Variants in BRCA2 observed in about 807,000 individuals in gnomAD.
The protein encoded by BRCA2 is BRCA2 DNA repair associated.
In BRCA2, 203 loss-of-function variants were observed where a neutral mutation model predicts 276.7. The observed-to-expected ratio is 0.73, with a 90% CI of 0.65 to 0.82. The LOEUF is 0.82. BRCA2 is among the 40% of genes least tolerant of loss of function. The pLI, the probability that BRCA2 is intolerant of heterozygous loss-of-function variation, is 0.00. For synonymous variants in BRCA2, 1,289 were observed against 1,338.4 expected (o/e 0.96, Z 0.81); for missense variants, 3,920 against 3,915.0 (o/e 1.00, Z -0.03).
In BRCA2 at chr13:32,379,823, T is replaced by G. The variant is rs864622568; in HGVS notation, c.9027T>G (p.Tyr3009Ter). The change falls in exon 23 of 27, where the codon TAT becomes TAG. Residue 3009 changes from tyrosine to a stop codon, truncating the protein, a stop_gained. Coordinates refer to ENST00000380152, the MANE Select transcript of BRCA2 (RefSeq NM_000059.4). LOFTEE classifies it high-confidence loss of function. ...CAGAAGGAAAGAGATACAGAATTTATCATCTTGCAACTTCAAAATCTAAAA... is the reference window on the plus strand; with the variant it reads ...CAGAAGGAAAGAGATACAGAATTTAGCATCTTGCAACTTCAAAATCTAAAA... The part of the protein sequence containing the change: ...LLTEGKRYRI[Y>*]HLATSKSKSK... The G allele has an allele frequency of 6.2e-7, 1 of 1,612,930 alleles. No individual in the cohort carries two copies.
intron 18 of BRCA2, among the ~76,000 whole-genome samples, chr13:32,365,991 G>T (rs1265281409): frequency 3.3e-5 from 5 of 151,052 alleles, no homozygotes; most frequent in Admixed American, 6.6e-5. Flanking sequence ...TAACTTCTGG[G>T]ATGGTTTTTA....
chr13:32,379,900 A>C lies in BRCA2; in HGVS notation c.9104A>C (p.Tyr3035Ser), dbSNP rs80359165. The change falls in exon 23 of 27, where the codon TAT becomes TCT. Residue 3035 changes from tyrosine to serine, a missense_variant. Around this residue, in one of 2 missense-constraint regions of BRCA2, gnomAD observed 657 missense variants for 758.2 expected, o/e 0.87. Transcript: ENST00000380152. ...TTAGCAGCGACAAAAAAAACTCAGT[A>C]TCAACAACTACCGGTACAAACCTTT... ...IQLAATKKTQ[Y>S]QQLPVSDEIL... 6.4e-5 allele frequency: 104 copies of C among 1,613,654 alleles called. No individual in the cohort carries two copies. The highest frequency in any genetic ancestry group is 8.6e-5 in the Non-Finnish European group (102 of 1,179,760).
At chr13:32,373,085 T>C (rs1367346465) in intron 20 of BRCA2, among the ~76,000 whole-genome samples, 1 of 151,542 alleles carries the variant, frequency 6.6e-6, no homozygotes. Flanking sequence ...CTCCGCCTCC[T>C]GTTTCAAGCA....
At chr13:32,393,862 T>C (rs1193322041) in intron 24 of BRCA2, among the ~76,000 whole-genome samples, 1 of 152,164 alleles carries the variant, frequency 6.6e-6, no homozygotes, top group East Asian at 1.9e-4. Flanking sequence ...GTCAGACCTG[T>C]ACAAAAAGAT....
chr13:32,380,534 C>CTTT (rs11451886), intron 24 of BRCA2, among the ~76,000 whole-genome samples: 28 of 101,698 alleles, frequency 2.8e-4, no homozygotes, highest in Non-Finnish European at 2.8e-4. Flanking sequence ...CAGAGTCAAG[C>CTTT]TTTTTTTTTT....
At chr13:32,323,184 G>A (rs1358517823) in intron 3 of BRCA2, among the ~76,000 whole-genome samples, 4 of 139,706 alleles carry the variant, frequency 2.9e-5, no homozygotes, top group South Asian at 4.4e-4. Flanking sequence ...ATGAAATCTC[G>A]CTTTGTCGCC....
At chr13:32,375,416 T>A in intron 20 of BRCA2, 2 of 447,674 alleles carry the variant, frequency 4.5e-6, no homozygotes, top group South Asian at 3.3e-5. Context: ...GGTAAACTTG[T>A]TAATGTTGAT....
In BRCA2 at chr13:32,340,331, A is replaced by G. The variant is rs748854546; in HGVS notation, c.5976A>G (p.Ser1992=). The G allele has an allele frequency of 6.8e-6, 11 of 1,614,086 alleles. 1 individual carries two copies. In the Middle Eastern group the frequency reaches 9.9e-4, roughly 145 times the overall value. ...AATCTGTCCAGGTATCAGATGCTTC[A>G]TTACAAAACGCAAGACAAGTGTTTT... ...SGKSVQVSDA[S]LQNARQVFSE... The change falls in exon 11 of 27, where the codon TCA becomes TCG. Residue 1992 remains serine, a synonymous_variant. Transcript: ENST00000380152.
chr13:32,321,859 G>C (rs1401845554), intron 3 of BRCA2, among the ~76,000 whole-genome samples: 1 of 152,054 alleles, frequency 6.6e-6, no homozygotes, highest in African/African-American at 2.4e-5. Flanking sequence ...CCATTCTTCA[G>C]CTTATTAATG....
intron 1 of BRCA2, among the ~76,000 whole-genome samples, chr13:32,315,890 G>C (rs1460001159): frequency 2.6e-5 from 4 of 152,194 alleles, no homozygotes; most frequent in Non-Finnish European, 5.9e-5. Flanking sequence ...TCCCGCCTCC[G>C]GCCCGGCCTT....
chr13:32,336,427 C>T lies in BRCA2; in HGVS notation c.2072C>T (p.Ala691Val), dbSNP rs868546240. 2 of 1,613,646 alleles carry T rather than the reference C, an allele frequency of 1.2e-6. No homozygotes were observed. The highest frequency in any genetic ancestry group is 1.7e-4 in the Middle Eastern group (1 of 6,060). ...TCTCAGGATCTTGATTATAAAGAAG[C>T]AAAATGTAATAAGGAAAAACTACAG... is the stretch of plus-strand genomic sequence containing the variant. ...VISQDLDYKE[A>V]KCNKEKLQLF... Residue 691 changes from alanine (A) to valine (V), a missense_variant, in exon 11 of 27, where the codon GCA becomes GTA. Ala to Val is a moderately conservative substitution (Grantham distance 64). Transcript: ENST00000380152.
At chr13:32,335,920 T>TA (rs1374965134) in intron 10 of BRCA2, among the ~76,000 whole-genome samples, 1 of 152,180 alleles carries the variant, frequency 6.6e-6, no homozygotes, top group East Asian at 1.9e-4. Flanking sequence ...CTCATTCTGT[T>TA]ACCTAGTCTG....
Position 32,326,026 on chromosome 13 carries a change from C to A in BRCA2, c.426-75C>A, listed in dbSNP as rs1209112251. 6 of 1,292,430 alleles carry A rather than the reference C, an allele frequency of 4.6e-6. No individual in the cohort carries two copies. In the African/African-American group the frequency reaches 6.0e-5, roughly 13 times the overall value. The allele number at this position is 1,292,430 out of a possible 1,614,324, so 80.1% of individuals were successfully genotyped here. A position where few individuals can be genotyped will look rare whatever the true frequency, so the allele number is the denominator to read the frequency against. On this transcript the variant is annotated intron_variant, in intron 4 of 26. Coordinates refer to ENST00000380152, the MANE Select transcript of BRCA2 (RefSeq NM_000059.4). ...AACAATTTATATGAATGAGAATCTT[C>A]TTTTAAAAATAAGATAAACTAGTTT...
intron 24 of BRCA2, among the ~76,000 whole-genome samples, chr13:32,388,243 C>T (rs916167044): frequency 2.0e-5 from 3 of 152,044 alleles, no homozygotes; most frequent in South Asian, 2.1e-4. Flanking sequence ...CTTAGCCTCC[C>T]GAGTAGCTGG....
chr13:32,335,353 A>G, intron 10 of BRCA2, among the ~76,000 whole-genome samples: 1 of 151,988 alleles, frequency 6.6e-6, no homozygotes, highest in East Asian at 1.9e-4. Context: ...TCAAAAAAAA[A>G]AAAAAAAAAA....
Position 32,370,388 on chromosome 13 carries a change from A to G in BRCA2, c.8332-14A>G. 1 of 1,609,018 alleles carries G rather than the reference A, an allele frequency of 6.2e-7. No homozygotes were observed. The highest frequency in any genetic ancestry group is 1.7e-5 in the Admixed American group (1 of 60,006). On this transcript the variant is annotated splice_polypyrimidine_tract_variant and intron_variant, in intron 18 of 26. Transcript: ENST00000380152. ...ATTTAACTACTAAATCAATATATTT[A>G]TTAATTTGTCCAGATTTCTGCTAAC... is the stretch of plus-strand genomic sequence containing the variant.
rs144947432 is a variant in BRCA2, at chr13:32,399,625, C to A, written c.*855C>A. 2.3e-3 allele frequency: 409 copies of A among 177,630 alleles called. No homozygotes were observed. The highest frequency in any genetic ancestry group is 8.9e-3 in the African/African-American group (378 of 42,316). 11.0% of individuals were successfully genotyped at this position (177,630 alleles called of 1,614,324 possible). The stretch of plus-strand genomic sequence containing the variant: ...TTTTTTTTTTCAACAAAATGGTCAT[C>A]CAAACTCAAACTTGAGAAAATATCT... On this transcript the variant is annotated 3_prime_UTR_variant, in exon 27 of 27. Coordinates refer to ENST00000380152, the MANE Select transcript of BRCA2 (RefSeq NM_000059.4).
rs929941099 is a variant in BRCA2, at chr13:32,340,743, T to C, written c.6388T>C (p.Phe2130Leu). ...SEMEKTCSKE[F>L]KLSNNLNVEG... ...AATGGAAAAAACCTGCAGTAAAGAA[T>C]TTAAATTATCAAATAACTTAAATGT... is the stretch of plus-strand genomic sequence containing the variant. The change falls in exon 11 of 27, where the codon TTT (phenylalanine) becomes CTT (leucine). Residue 2130 changes from phenylalanine to leucine, a missense_variant. Physicochemically the swap from Phe to Leu is conservative, Grantham distance 22 (BLOSUM62 0). Transcript: ENST00000380152. 6.2e-7 allele frequency: 1 copy of C among 1,606,268 alleles called. No individual in the cohort carries two copies. Among genetic ancestry groups the C allele is most frequent in the Non-Finnish European group, 8.5e-7 (1 of 1,178,066 alleles).
chr13:32,390,241 A>G (rs1427924657), intron 24 of BRCA2, among the ~76,000 whole-genome samples: 1 of 151,982 alleles, frequency 6.6e-6, no homozygotes, highest in African/African-American at 2.4e-5. Flanking sequence ...TCTTTTGTAT[A>G]CCCCCAAAAC....
Sources: allele counts gnomAD v4.1 joint callset (sites outside exome capture counted in the v4.1 genomes callset), GRCh38; gene constraint gnomAD v4.1.1; regional missense constraint gnomAD v4.1.1; transcripts MANE v1.5; gene names NCBI Gene and HGNC (gene_info 2026-07-23, HGNC 2026-07-21).